EXOC4: variants seen among roughly 807,000 people sequenced by gnomAD.
EXOC4 encodes exocyst complex component 4.
In EXOC4, 71 loss-of-function variants were observed where a neutral mutation model predicts 107.2. That is an observed-to-expected ratio of 0.66 (90% CI 0.55 to 0.81). The LOEUF is 0.81. Among genes scored for constraint, EXOC4 ranks in the 30% least tolerant of loss-of-function variants. The probability of loss-of-function intolerance (pLI) is 0.00; values close to 1 mark genes in which losing one functional copy is unlikely to be tolerated. For missense variants in EXOC4, 1,108 were observed against 1,189.6 expected (o/e 0.93, Z 1.01); for synonymous variants, 456 against 441.2 (o/e 1.03, Z -0.42).
Position 133,394,123 on chromosome 7 carries a change from G to T in EXOC4, c.1182+19121G>T, listed in dbSNP as rs577678319. On this transcript the variant is annotated intron_variant, in intron 7 of 17. Coordinates refer to ENST00000253861, the MANE Select transcript of EXOC4 (RefSeq NM_021807.4). ...AGAGAAACCATTAATAATTGGGACT[G>T]TCATAGTATTACTATTATATAGCCA... is the stretch of plus-strand genomic sequence containing the variant. Among the ~76,000 whole-genome samples the T allele has an allele frequency of 7.9e-5, 12 of 152,248 alleles. No homozygotes were observed. The South Asian group carries it at 2.5e-3, about 32-fold the overall frequency.
chr7:134,004,688 G>A (rs1794601734), intron 15 of EXOC4, among the ~76,000 whole-genome samples: 1 of 152,078 alleles, frequency 6.6e-6, no homozygotes, highest in Non-Finnish European at 1.5e-5. Flanking sequence ...GTTAAAAGAG[G>A]GGAGGGTGTT....
chr7:133,502,688 AC>A (rs1360406300), intron 9 of EXOC4, among the ~76,000 whole-genome samples: 1 of 152,142 alleles, frequency 6.6e-6, no homozygotes, highest in East Asian at 1.9e-4. Flanking sequence ...AAGTAAGGCA[AC>A]CGCAGGTTTG....
At position 133,997,477 on chromosome 7, in the gene EXOC4, A is replaced by T. The variant is rs770060220; in HGVS notation, c.2207-15A>T. The stretch of plus-strand genomic sequence containing the variant: ...CATCTAATGAAATGATTGGTGTTTT[A>T]TCCTTACCTTTCAGTGCTTTCTCCT... On this transcript the variant is annotated splice_polypyrimidine_tract_variant and intron_variant, in intron 14 of 17. Transcript: ENST00000253861. The T allele has an allele frequency of 2.5e-6, 4 of 1,613,174 alleles. No homozygotes were observed. In the South Asian group the frequency reaches 3.3e-5, roughly 13 times the overall value.
intron 10 of EXOC4, among the ~76,000 whole-genome samples, chr7:133,739,222 TTGTGTGTGTGTGTGTG>T (rs72444310): frequency 0.022 from 3,077 of 142,406 alleles, 90 homozygotes; most frequent in African/African-American, 0.072. Context: ...GTAGAGGGGT[TTGTGTGTGTGTGTGTG>T]TGTGTGTGTG....
chr7:133,984,718 C>T (rs1456875571), intron 14 of EXOC4, among the ~76,000 whole-genome samples: 3 of 152,062 alleles, frequency 2.0e-5, no homozygotes, highest in Non-Finnish European at 2.9e-5. Flanking sequence ...GTGCTAAGTC[C>T]GTAGGAGAGA....
chr7:133,978,750 T>G (rs1793901851), intron 14 of EXOC4, among the ~76,000 whole-genome samples: 1 of 152,214 alleles, frequency 6.6e-6, no homozygotes, highest in Non-Finnish European at 1.5e-5. Context: ...TGCTGCAAGC[T>G]TCTGATTTGC....
intron 10 of EXOC4, among the ~76,000 whole-genome samples, chr7:133,712,430 ACT>A (rs1217105416): frequency 3.1e-5 from 4 of 129,666 alleles, no homozygotes; most frequent in African/African-American, 1.2e-4. Context: ...CAAGAATGAA[ACT>A]CTGTCTCAAA....
intron 4 of EXOC4, among the ~76,000 whole-genome samples, chr7:133,313,223 G>C (rs897212764): frequency 6.7e-6 from 1 of 148,332 alleles, no homozygotes; most frequent in South Asian, 2.1e-4. Flanking sequence ...TTCACCCTTG[G>C]TCTGTCATTT....
chr7:133,942,383 G>A (rs760473130), intron 14 of EXOC4, among the ~76,000 whole-genome samples: 96 of 151,400 alleles, frequency 6.3e-4, no homozygotes, highest in Non-Finnish European at 3.1e-4. Flanking sequence ...ATAAAATATT[G>A]TAATGCATCC....
intron 10 of EXOC4, among the ~76,000 whole-genome samples, chr7:133,806,665 C>T (rs1229939882): frequency 6.6e-6 from 1 of 152,048 alleles, no homozygotes; most frequent in African/African-American, 2.4e-5. Context: ...ACGGGTGAAC[C>T]TTTGAGAGGC....
At position 133,970,855 on chromosome 7, in the gene EXOC4, A is replaced by G. The variant is rs79982240; in HGVS notation, c.2207-26637A>G. On this transcript the variant is annotated intron_variant, in intron 14 of 17. Coordinates refer to ENST00000253861, the MANE Select transcript of EXOC4 (RefSeq NM_021807.4). ...TCACTGCTTCAAGATGGTGAGCTATAGAGTCACCAGGAAACTGCAGGTTCC... is the reference window on the plus strand; with the variant it reads ...TCACTGCTTCAAGATGGTGAGCTATGGAGTCACCAGGAAACTGCAGGTTCC... 4.8e-3 allele frequency among the ~76,000 whole-genome samples: 708 copies of G among 147,054 alleles called. 3 individuals carry two copies. Among genetic ancestry groups the G allele is most frequent in the Middle Eastern group, 0.017 (5 of 292 alleles).
chr7:134,095,254 T>A, the EXOC4 span, among the ~76,000 whole-genome samples: 1 of 151,774 alleles, frequency 6.6e-6, no homozygotes, highest in Admixed American at 6.6e-5. Flanking sequence ...TAGGAATACG[T>A]ATAACCAAGA....
intron 17 of EXOC4, among the ~76,000 whole-genome samples, chr7:134,056,090 T>A (rs1795915108): frequency 6.6e-6 from 1 of 152,032 alleles, no homozygotes; most frequent in Non-Finnish European, 1.5e-5. Context: ...ACTACAAGAG[T>A]CTTGTGCTAA....
At chr7:133,677,653 A>C (rs1338838951) in intron 10 of EXOC4, among the ~76,000 whole-genome samples, 6 of 152,146 alleles carry the variant, frequency 3.9e-5, no homozygotes, top group Admixed American at 6.5e-5. Context: ...GGCTATGTGC[A>C]AAGAATTGTT....
chr7:133,380,502 C>T (rs1796593311), intron 7 of EXOC4, among the ~76,000 whole-genome samples: 1 of 151,956 alleles, frequency 6.6e-6, no homozygotes, highest in Non-Finnish European at 1.5e-5. Flanking sequence ...TATCTATTAG[C>T]AGTCACTCCT....
chr7:133,683,198 A>G (rs1368724796), intron 10 of EXOC4, among the ~76,000 whole-genome samples: 1 of 152,150 alleles, frequency 6.6e-6, no homozygotes, highest in Non-Finnish European at 1.5e-5. Flanking sequence ...ACATTTTGTT[A>G]GTGTTATCAG....
At chr7:133,604,124 G>A (rs1801875284) in intron 9 of EXOC4, among the ~76,000 whole-genome samples, 1 of 151,484 alleles carries the variant, frequency 6.6e-6, no homozygotes, top group Non-Finnish European at 1.5e-5. Context: ...CCCACATCTT[G>A]TCCCACTGGA....
intron 10 of EXOC4, among the ~76,000 whole-genome samples, chr7:133,745,829 G>A (rs1795665475): frequency 6.6e-6 from 1 of 151,038 alleles, no homozygotes; most frequent in East Asian, 1.9e-4. Context: ...AAATGAGAAA[G>A]GACTCAAGTC....
At chr7:133,274,629 T>C (rs1384283049) in intron 1 of EXOC4, among the ~76,000 whole-genome samples, 3 of 152,258 alleles carry the variant, frequency 2.0e-5, no homozygotes. Context: ...CTTAGTTTTG[T>C]CTCATTGATC....
Sources: gnomAD v4.1 joint callset for allele counts (sites outside exome capture counted in the v4.1 genomes callset) on GRCh38, gnomAD v4.1.1 for gene constraint, MANE v1.5 for transcripts, NCBI Gene and HGNC (gene_info 2026-07-23, HGNC 2026-07-21) for gene names.